Variants in ALDOB observed in about 807,000 individuals in gnomAD.
ALDOB encodes fructose-bisphosphate aldolase B.
Under a neutral mutation model 41.0 loss-of-function variants are expected in ALDOB, and 39 were observed. That is an observed-to-expected ratio of 0.95 (90% CI 0.74 to 1.24). The LOEUF (loss-of-function observed/expected upper bound fraction) is 1.24. ALDOB is among the 50% of genes most tolerant of loss of function. The pLI, the probability that ALDOB is intolerant of heterozygous loss-of-function variation, is 0.00. For synonymous variants in ALDOB, 175 were observed against 168.8 expected, an observed-to-expected ratio of 1.04 and a Z score of -0.28; for missense variants, 530 against 457.3, an observed-to-expected ratio of 1.16 and a Z score of -1.45.
At chr9:101,432,002 AGACGTAG>A (rs1339957097) in intron 1 of ALDOB, among the ~76,000 whole-genome samples, 2 of 152,212 alleles carry the variant, frequency 1.3e-5, no homozygotes, top group Non-Finnish European at 2.9e-5. Context: ...GAGCAAGCTA[AGACGTAG>A]AGAAGCTAAC....
chr9:101,427,696 G>T, intron 4 of ALDOB, 54 bp from the exon 5 acceptor site: 1 of 1,607,380 alleles, frequency 6.2e-7, no homozygotes, highest in South Asian at 1.1e-5. Flanking sequence ...CCTGATCCAT[G>T]GGGCTTCTAA....
At chr9:101,428,804 C>T (rs10819931) in intron 3 of ALDOB, among the ~76,000 whole-genome samples, 6,897 of 152,248 alleles carry the variant, frequency 0.045, 223 homozygotes, top group Non-Finnish European at 0.069. Flanking sequence ...CTCTACATAG[C>T]AAAGGCAAAA....
At chr9:101,423,884 A>G (rs953921989) in intron 8 of ALDOB, among the ~76,000 whole-genome samples, 2 of 152,184 alleles carry the variant, frequency 1.3e-5, no homozygotes, top group African/African-American at 4.8e-5. Flanking sequence ...TTCTTGGCTC[A>G]TAAAGCGTAT....
intron 6 of ALDOB, 72 bp from the exon 7 acceptor site, chr9:101,425,699 C>T (rs546476555): frequency 3.3e-6 from 5 of 1,498,538 alleles, no homozygotes; most frequent in African/African-American, 1.4e-5. Context: ...GGCACATTTA[C>T]ACTGCAGGGA....
intron 7 of ALDOB, 141 bp downstream of exon 7, chr9:101,425,311 TG>T: frequency 9.8e-7 from 1 of 1,021,382 alleles, no homozygotes; most frequent in Non-Finnish European, 1.5e-6. Flanking sequence ...TATTCTGAAG[TG>T]GGAGAAGAAG....
chr9:101,429,800 C>A lies in ALDOB; in HGVS notation c.279G>T (p.Leu93=), dbSNP rs1419101399. ...CCTTTTCCTTGAGGATGTTTCTGAA[C>A]AGCTTTCCCTGGCTGTCCTTCTGGT... The part of the protein sequence containing the change: ...TLYQKDSQGK[L]FRNILKEKGI... The change falls in exon 3 of 9, where the codon CTG becomes CTT. Residue 93 remains leucine (L), a synonymous_variant. Transcript: ENST00000647789. 1 of 1,614,160 alleles carries A rather than the reference C, an allele frequency of 6.2e-7. No individual in the cohort carries two copies. The highest frequency in any genetic ancestry group is 1.7e-5 in the Admixed American group (1 of 60,020).
chr9:101,430,711 T>A lies in ALDOB; in HGVS notation c.112+65A>T, dbSNP rs558587084. The A allele has an allele frequency of 6.7e-6, 8 of 1,201,656 alleles. No individual in the cohort carries two copies. The South Asian group carries it at 8.7e-5, about 13-fold the overall frequency. The allele number at this position is 1,201,656 out of a possible 1,614,324, so 74.4% of individuals were successfully genotyped here. ...TTCCATAAAGAATATGATTATCAAG[T>A]TGTTTTTGCTAAGTGTAGAAAAAAT... is the stretch of plus-strand genomic sequence containing the variant. On this transcript the variant is annotated intron_variant, in intron 2 of 8. Coordinates refer to ENST00000647789, the MANE Select transcript of ALDOB (RefSeq NM_000035.4).
intron 5 of ALDOB, among the ~76,000 whole-genome samples, chr9:101,426,974 G>A (rs1320688000): frequency 6.6e-6 from 1 of 152,128 alleles, no homozygotes; most frequent in African/African-American, 2.4e-5. Context: ...GGGATCTCCA[G>A]CTGTCCACAA....
chr9:101,430,786 A>T lies in ALDOB; in HGVS notation c.102T>A (p.Asp34Glu), dbSNP rs181247220. The T allele has an allele frequency of 1.9e-6, 3 of 1,612,678 alleles. No individual in the cohort carries two copies. Among genetic ancestry groups the T allele is most frequent in the Admixed American group, 3.3e-5 (2 of 60,018 alleles). The change falls in exon 2 of 9, where the codon GAT becomes GAA. Residue 34 changes from aspartate to glutamate, a missense_variant. Physicochemically the swap from Asp to Glu is conservative, Grantham distance 45. Transcript: ENST00000647789. ...GCTTTTTACACTCACCTACAGATTC[A>T]TCTGCAGCCAGGATCCCCTTTCCAT... ...VANGKGILAA[D>E]ESVGTMGNRL...
At chr9:101,428,898 T>A (rs1178972979) in intron 3 of ALDOB, among the ~76,000 whole-genome samples, 1 of 152,220 alleles carries the variant, frequency 6.6e-6, no homozygotes, top group Non-Finnish European at 1.5e-5. Context: ...GTAGTTCAGT[T>A]TTCTCACTTC....
At chr9:101,428,595 G>A in intron 3 of ALDOB, 72 bp from the exon 4 acceptor site, 2 of 1,269,000 alleles carry the variant, frequency 1.6e-6, no homozygotes, top group Non-Finnish European at 2.3e-6. Context: ...CTAACTAACA[G>A]TTTGCATCTT....
At position 101,429,809 on chromosome 9, in the gene ALDOB, C is replaced by G. The variant is rs1176960115; in HGVS notation, c.270G>C (p.Gln90His). The G allele has an allele frequency of 1.2e-6, 2 of 1,614,152 alleles. No homozygotes were observed. The highest frequency in any genetic ancestry group is 2.2e-5 in the South Asian group (2 of 91,074). Residue 90 changes from glutamine (Q) to histidine (H), a missense_variant, in exon 3 of 9, where the codon CAG becomes CAC. Physicochemically the swap from Gln to His is conservative, Grantham distance 24 (BLOSUM62 0). Coordinates refer to ENST00000647789, the MANE Select transcript of ALDOB (RefSeq NM_000035.4). ...FHETLYQKDS[Q>H]GKLFRNILKE... is the part of the protein sequence containing the mutation. ...TGAGGATGTTTCTGAACAGCTTTCCCTGGCTGTCCTTCTGGTAGAGGGTCT... is the reference window on the plus strand; with the variant it reads ...TGAGGATGTTTCTGAACAGCTTTCCGTGGCTGTCCTTCTGGTAGAGGGTCT...
chr9:101,425,940 C>A (rs1831123214), intron 6 of ALDOB, among the ~76,000 whole-genome samples: 2 of 152,134 alleles, frequency 1.3e-5, no homozygotes, highest in African/African-American at 4.8e-5. Flanking sequence ...AATGTCATTC[C>A]TTATTGAGAC....
rs1242518351 is a variant in ALDOB, at chr9:101,426,588, A to G, written c.591T>C (p.His197=). 1.2e-6 allele frequency: 2 copies of G among 1,613,266 alleles called. No individual in the cohort carries two copies. Among genetic ancestry groups the G allele is most frequent in the Non-Finnish European group, 8.5e-7 (1 of 1,179,188 alleles). The change falls in exon 6 of 9, where the codon CAT becomes CAC. Residue 197 remains histidine, a synonymous_variant. Transcript: ENST00000647789. ...TAACATACTGGCAGTGTTCCAGGTC[A>G]TGGTCTCCATCAGGAATTACCTCTG... ...VEPEVIPDGD[H]DLEHCQYVTE...
chr9:101,425,642 G>A lies in ALDOB; in HGVS notation c.625-15C>T. 2 of 1,613,854 alleles carry A rather than the reference G, an allele frequency of 1.2e-6. No individual in the cohort carries two copies. Among genetic ancestry groups the A allele is most frequent in the Non-Finnish European group, 1.7e-6 (2 of 1,179,964 alleles). On this transcript the variant is annotated splice_polypyrimidine_tract_variant and intron_variant, in intron 6 of 8. Transcript: ENST00000647789. ...GCAGCCAGGACCTGAAGGACAAGAG[G>A]TCCCACCAGGTGAAACTCAAAGCTA...
At chr9:101,426,728 A>C in intron 5 of ALDOB, 90 bp from the exon 6 acceptor site, 1 of 823,108 alleles carries the variant, frequency 1.2e-6, no homozygotes, top group Non-Finnish European at 2.2e-6. Context: ...AATTGGTATA[A>C]ATTGAAGCCA....
chr9:101,426,998 A>G (rs1185907331), intron 5 of ALDOB, among the ~76,000 whole-genome samples: 1 of 152,190 alleles, frequency 6.6e-6, no homozygotes, highest in Admixed American at 6.5e-5. Flanking sequence ...TAGTAACCCC[A>G]ACATAGTACT....
At chr9:101,427,171 C>T (rs188230065) in intron 5 of ALDOB, among the ~76,000 whole-genome samples, 7 of 152,266 alleles carry the variant, frequency 4.6e-5, no homozygotes, top group East Asian at 1.9e-4. Context: ...TTGGATGTTA[C>T]GGAGTATAGA....
At chr9:101,431,024 G>GTCT in intron 1 of ALDOB, 127 bp from the exon 2 acceptor site, 2 of 712,906 alleles carry the variant, frequency 2.8e-6, no homozygotes, top group South Asian at 3.0e-5. Context: ...ATTTCCACAG[G>GTCT]TGGATAAGCA....
Sources: gnomAD v4.1 joint callset for allele counts (sites outside exome capture counted in the v4.1 genomes callset) on GRCh38, gnomAD v4.1.1 for gene constraint, MANE v1.5 for transcripts, NCBI Gene and HGNC (gene_info 2026-07-23, HGNC 2026-07-21) for gene names.